The following SBK1 variants were observed in gnomAD, a reference collection of about 807,000 sequenced individuals.
The protein encoded by SBK1 is SH3 domain binding kinase 1, also known as serine/threonine-protein kinase SBK1.
A neutral mutation model predicts 24.4 loss-of-function variants in SBK1; 11 were observed. The observed-to-expected ratio is 0.45, with a 90% confidence interval of 0.28 to 0.75. SBK1 has a LOEUF of 0.75. Ranked by LOEUF, SBK1 falls within the 30% of genes least tolerant of loss-of-function variation. SBK1 has a pLI of 0.12. For synonymous variants in SBK1, 308 were observed against 284.4 expected (o/e 1.08, Z -0.83); for missense variants, 467 against 620.5 (o/e 0.75, Z 2.63).
At chr16:28,280,137 A>ATGTGTGTG (rs1361531982) in intron 1 of SBK1, among the ~76,000 whole-genome samples, 1 of 59,114 alleles carries the variant, frequency 1.7e-5, no homozygotes, top group Non-Finnish European at 4.3e-5. Flanking sequence ...ATATATATAT[A>ATGTGTGTG]TATATATATA....
intron 1 of SBK1, among the ~76,000 whole-genome samples, chr16:28,271,100 T>C (rs572081344): frequency 2.6e-5 from 4 of 151,750 alleles, no homozygotes; most frequent in Middle Eastern, 3.2e-3. Flanking sequence ...CCTGACCTTG[T>C]GATCCACCCG....
intron 1 of SBK1, among the ~76,000 whole-genome samples, chr16:28,272,087 TG>T (rs747218007): frequency 3.9e-4 from 60 of 152,276 alleles, no homozygotes; most frequent in Non-Finnish European, 7.9e-4. Context: ...AATACATGGT[TG>T]TTTTTTTGAG....
upstream of SBK1, among the ~76,000 whole-genome samples, chr16:28,289,221 C>T (rs941335456): frequency 1.3e-5 from 2 of 152,242 alleles, no homozygotes; most frequent in African/African-American, 4.8e-5. Flanking sequence ...TTCTCCCTCT[C>T]CAGCCCCCTC....
chr16:28,311,993 C>G (rs928648878), intron 1 of SBK1, among the ~76,000 whole-genome samples: 17 of 152,376 alleles, frequency 1.1e-4, no homozygotes, highest in African/African-American at 3.6e-4. Context: ...ACAGAACAGC[C>G]TGAGGTGGCC....
chr16:28,259,549 C>T lies in SBK1; in HGVS notation c.257+47C>T, dbSNP rs529996809. ...GTGGGTGGGCAGCAGGTGGGCACAG[C>T]GCTCGACCCAGGGTGCCTGTGGGCC... On this transcript the variant is annotated intron_variant, in intron 1 of 3. Coordinates refer to the SBK1 transcript ENST00000671413. The surrounding 1 kb of genome is among the most constrained non-coding windows in gnomAD (Gnocchi z 6.0). The T allele has an allele frequency of 6.4e-4, 412 of 644,458 alleles. No homozygotes were observed. The highest frequency in any genetic ancestry group is 7.7e-4 in the Non-Finnish European group (398 of 518,518). 39.9% of individuals were successfully genotyped at this position (644,458 alleles called of 1,614,324 possible).
In SBK1 at chr16:28,308,075, C is replaced by T. The variant is rs184582731; in HGVS notation, c.-7-9310C>T. 1.5e-3 allele frequency among the ~76,000 whole-genome samples: 227 copies of T among 152,276 alleles called. 1 individual carries two copies. Among genetic ancestry groups the T allele is most frequent in the East Asian group, 6.9e-3 (36 of 5,192 alleles). Reference sequence around the variant, plus strand: ...AACTGGGTCCTTGTCACTTGGTGCCCAGTATTGTCACTGTCCTGGTTAACC... The same window carrying T: ...AACTGGGTCCTTGTCACTTGGTGCCTAGTATTGTCACTGTCCTGGTTAACC... On this transcript the variant is annotated intron_variant, in intron 1 of 3. Transcript: ENST00000341901.
rs2044618417 is a variant in SBK1, at chr16:28,293,644, A to C, written c.-8+344A>C. Among the ~76,000 whole-genome samples, 5 of 151,688 alleles carry C rather than the reference A, an allele frequency of 3.3e-5. No individual in the cohort carries two copies. In the South Asian group the frequency reaches 1.0e-3, roughly 32 times the overall value. On this transcript the variant is annotated intron_variant, in intron 1 of 3. Coordinates refer to ENST00000341901, the MANE Select transcript of SBK1 (RefSeq NM_001024401.3). ...TTGGCCCCCAGGTCCTTGGAGTGTG[A>C]ATACCCCTCCCCCACGGCCAAGCTG...
chr16:28,310,203 G>A (rs937495021), intron 1 of SBK1, among the ~76,000 whole-genome samples: 1 of 152,236 alleles, frequency 6.6e-6, no homozygotes, highest in Non-Finnish European at 1.5e-5. Flanking sequence ...GGCGTGAGGT[G>A]TGTGCGCCCT....
Position 28,271,145 on chromosome 16 carries a change from G to A in SBK1, c.257+11643G>A, listed in dbSNP as rs979888138. 3.3e-5 allele frequency among the ~76,000 whole-genome samples: 5 copies of A among 152,130 alleles called. No individual in the cohort carries two copies. The East Asian group carries it at 9.6e-4, about 29-fold the overall frequency. On this transcript the variant is annotated intron_variant, in intron 1 of 3. Coordinates refer to the SBK1 transcript ENST00000671413. Reference sequence around the variant, plus strand: ...CCCAAAGTGCTGGGATTACAGGCGTGAGCCACTGCACCCGGCCTACGCACC... The same window carrying A: ...CCCAAAGTGCTGGGATTACAGGCGTAAGCCACTGCACCCGGCCTACGCACC...
At chr16:28,282,411 C>G (rs1405280914) in intron 1 of SBK1, among the ~76,000 whole-genome samples, 1 of 152,186 alleles carries the variant, frequency 6.6e-6, no homozygotes, top group Non-Finnish European at 1.5e-5. Context: ...GCTCCCGTCA[C>G]CCCTCAGATC....
chr16:28,311,176 C>T (rs865873220), intron 1 of SBK1, among the ~76,000 whole-genome samples: 1 of 152,166 alleles, frequency 6.6e-6, no homozygotes, highest in Non-Finnish European at 1.5e-5. Context: ...TGAATCCGAT[C>T]CAGCCCCTGC....
chr16:28,308,285 G>A (rs1209899083), intron 1 of SBK1, among the ~76,000 whole-genome samples: 4 of 152,004 alleles, frequency 2.6e-5, no homozygotes, highest in Non-Finnish European at 5.9e-5. Context: ...TAAATATCTA[G>A]GATTACAGGT....
At chr16:28,266,105 G>A (rs751403092) in intron 1 of SBK1, among the ~76,000 whole-genome samples, 3 of 152,160 alleles carry the variant, frequency 2.0e-5, no homozygotes, top group Non-Finnish European at 4.4e-5. Context: ...TGAGTGCAGT[G>A]GCTCACAACT....
intron 1 of SBK1, chr16:28,286,036 T>C (rs907865811): frequency 1.3e-5 from 2 of 152,312 alleles, no homozygotes; most frequent in African/African-American, 4.8e-5. Flanking sequence ...GTACTTGTGC[T>C]GGGGCACTGT....
chr16:28,318,808 T>C (rs1307111104), intron 2 of SBK1, among the ~76,000 whole-genome samples, 187 bp from the exon 3 acceptor site: 1 of 152,156 alleles, frequency 6.6e-6, no homozygotes, highest in African/African-American at 2.4e-5. Context: ...AAGGCTCAGG[T>C]TGACCCTGCC....
At chr16:28,311,697 TA>T (rs77206937) in intron 1 of SBK1, among the ~76,000 whole-genome samples, 744 of 136,466 alleles carry the variant, frequency 5.5e-3, no homozygotes, top group Middle Eastern at 0.012. Flanking sequence ...ATCCTATTTC[TA>T]AAAAAAAAAA....
rs770027617 is a variant in SBK1, at chr16:28,319,706, G to A, written c.430-370G>A. Among the ~76,000 whole-genome samples, 8 of 152,068 alleles carry A rather than the reference G, an allele frequency of 5.3e-5. No homozygotes were observed. Among genetic ancestry groups the A allele is most frequent in the Non-Finnish European group, 8.8e-5 (6 of 68,000 alleles). ...GCACGGACACAGCAGGGAACAGGAC[G>A]GGAAGCTCAGGGAGCCCCGTTCTAG... On this transcript the variant is annotated intron_variant, in intron 3 of 3. Transcript: ENST00000341901. The surrounding 1 kb of genome is among the most constrained non-coding windows in gnomAD (Gnocchi z 4.0).
rs2044615144 is a variant in SBK1 at position 28,293,290 on chromosome 16, C to A, written c.-18C>A. 2 of 985,330 alleles carry A rather than the reference C, an allele frequency of 2.0e-6. No homozygotes were observed. The highest frequency in any genetic ancestry group is 6.1e-5 in the Admixed American group (1 of 16,270). The allele number at this position is 985,330 out of a possible 1,614,324, so 61.0% of individuals were successfully genotyped here. A position where few individuals can be genotyped will look rare whatever the true frequency, so the allele number is the denominator to read the frequency against. On this transcript the variant is annotated 5_prime_UTR_variant, in exon 1 of 4. Coordinates refer to ENST00000341901, the MANE Select transcript of SBK1 (RefSeq NM_001024401.3). ...GCCCCCTGCCGCGGCGTCCCCGCGG[C>A]CCCAGCCCAGGTAAGCCGGGCCCAG... is the stretch of plus-strand genomic sequence containing the variant.
upstream of SBK1, among the ~76,000 whole-genome samples, chr16:28,289,586 G>A (rs2044586727): frequency 6.6e-6 from 1 of 151,440 alleles, no homozygotes. Flanking sequence ...GCCAACAATG[G>A]CAAAACCTCA....
Sources: allele counts gnomAD v4.1 joint callset (sites outside exome capture counted in the v4.1 genomes callset), GRCh38; gene constraint gnomAD v4.1.1; non-coding constraint Gnocchi (gnomAD v3.1); transcripts MANE v1.5; gene names NCBI Gene and HGNC (gene_info 2026-07-23, HGNC 2026-07-21).